Variants in GSG1L observed in about 807,000 individuals in gnomAD.
The protein encoded by GSG1L is germ cell-specific gene 1-like protein.
Under a neutral mutation model 42.1 loss-of-function variants are expected in GSG1L, and 24 were observed. The ratio of observed to expected loss-of-function variants is 0.57; its 90% CI spans 0.41 to 0.80. GSG1L has a LOEUF of 0.80. Among genes scored for constraint, GSG1L ranks in the 30% least tolerant of loss-of-function variants. The probability of loss-of-function intolerance (pLI) is 0.00; values close to 1 mark genes in which losing one functional copy is unlikely to be tolerated. For missense variants in GSG1L, 445 were observed against 472.2 expected (o/e 0.94, Z 0.53); for synonymous variants, 215 against 203.5 (o/e 1.06, Z -0.48).
chr16:28,003,655 C>G (rs183700049), intron 1 of GSG1L, among the ~76,000 whole-genome samples: 1 of 152,128 alleles, frequency 6.6e-6, no homozygotes, highest in Admixed American at 6.5e-5. Flanking sequence ...AGAACTGGGC[C>G]GGCCAGGTCT....
intron 3 of GSG1L, among the ~76,000 whole-genome samples, chr16:27,874,697 C>T (rs1395751468): frequency 6.6e-6 from 1 of 152,164 alleles, no homozygotes; most frequent in East Asian, 1.9e-4. Context: ...AGCATGGGAG[C>T]TCTGCATTGA....
chr16:27,921,237 C>A (rs1026214959), intron 2 of GSG1L, among the ~76,000 whole-genome samples: 2 of 152,084 alleles, frequency 1.3e-5, no homozygotes, highest in Non-Finnish European at 2.9e-5. Context: ...GTCTTCAGCA[C>A]CTTCTCCAAG....
chr16:27,905,028 TAATG>T (rs1228997545), intron 2 of GSG1L, among the ~76,000 whole-genome samples: 1 of 152,088 alleles, frequency 6.6e-6, no homozygotes, highest in Non-Finnish European at 1.5e-5. Flanking sequence ...TTTGAAAAAA[TAATG>T]AATTCAAATC....
chr16:27,806,069 G>A (rs772201487), intron 6 of GSG1L, among the ~76,000 whole-genome samples: 1 of 152,006 alleles, frequency 6.6e-6, no homozygotes, highest in Non-Finnish European at 1.5e-5. Flanking sequence ...TGCTTCCCGA[G>A]CCCGTCTCTG....
rs908794844 is a variant in GSG1L, at chr16:28,063,636, G to T, written c.-212C>A. ...GGCGTGCGGGGCGGGCTGGCGGGGC[G>T]GGCGGCGGTGGAGGAGCGGCTACGG... On this transcript the variant is annotated 5_prime_UTR_variant, in exon 1 of 7. Coordinates refer to ENST00000447459, the MANE Select transcript of GSG1L (RefSeq NM_001109763.2). The surrounding 1 kb of genome is among the most constrained non-coding windows in gnomAD (Gnocchi z 5.8). The T allele has an allele frequency of 6.7e-6, 1 of 149,712 alleles. No individual in the cohort carries two copies. Among genetic ancestry groups the T allele is most frequent in the Admixed American group, 6.8e-5 (1 of 14,786 alleles). The allele number at this position is 149,712 out of a possible 1,614,324, so 9.3% of individuals were successfully genotyped here. A position where few individuals can be genotyped will look rare whatever the true frequency, so the allele number is the denominator to read the frequency against.
intron 3 of GSG1L, among the ~76,000 whole-genome samples, chr16:27,853,085 A>G (rs993130005): frequency 1.3e-5 from 2 of 152,224 alleles, no homozygotes; most frequent in Non-Finnish European, 2.9e-5. Flanking sequence ...CCCGCGGAAA[A>G]AAAACTTGAG....
At chr16:27,967,513 T>C (rs1399288371) in intron 1 of GSG1L, among the ~76,000 whole-genome samples, 1 of 152,152 alleles carries the variant, frequency 6.6e-6, no homozygotes, top group Non-Finnish European at 1.5e-5. Flanking sequence ...ACAAAGACGA[T>C]AAGGCCCAGG....
At chr16:28,020,253 G>A (rs1006758589) in intron 1 of GSG1L, among the ~76,000 whole-genome samples, 11 of 152,108 alleles carry the variant, frequency 7.2e-5, no homozygotes, top group East Asian at 3.8e-4. Context: ...GTCTTTGTGC[G>A]GTGGCTCAAA....
At chr16:27,812,902 C>G (rs1213793093) in intron 5 of GSG1L, among the ~76,000 whole-genome samples, 1 of 152,102 alleles carries the variant, frequency 6.6e-6, no homozygotes, top group African/African-American at 2.4e-5. Flanking sequence ...GCCTCGGCCT[C>G]CCTAGTAGCT....
intron 3 of GSG1L, among the ~76,000 whole-genome samples, chr16:27,861,250 AC>A (rs1277493899): frequency 1.3e-5 from 2 of 152,050 alleles, no homozygotes; most frequent in African/African-American, 4.8e-5. Flanking sequence ...GGTGGTGTGC[AC>A]CTGTAATCGC....
At chr16:27,887,844 G>A (rs1368056676) in intron 2 of GSG1L, among the ~76,000 whole-genome samples, 1 of 151,460 alleles carries the variant, frequency 6.6e-6, no homozygotes, top group African/African-American at 2.4e-5. Flanking sequence ...CATCTCCTGG[G>A]CAATTCCTTG....
intron 3 of GSG1L, among the ~76,000 whole-genome samples, chr16:27,848,497 C>T (rs956045171): frequency 1.3e-5 from 2 of 152,128 alleles, no homozygotes; most frequent in Non-Finnish European, 2.9e-5. Flanking sequence ...AATCAGCCAA[C>T]GAATATTTAG....
intron 1 of GSG1L, among the ~76,000 whole-genome samples, chr16:27,979,720 AAGGAAG>A (rs754145686): frequency 0.039 from 2,734 of 69,754 alleles, 176 homozygotes; most frequent in African/African-American, 0.05. Context: ...GGAAGGAAGG[AAGGAAG>A]GAAAGAAAAA....
At chr16:27,929,665 T>C (rs1212279004) in intron 2 of GSG1L, among the ~76,000 whole-genome samples, 1 of 152,208 alleles carries the variant, frequency 6.6e-6, no homozygotes, top group East Asian at 1.9e-4. Context: ...ATTCCCTTTT[T>C]CCTATTACCC....
intron 3 of GSG1L, among the ~76,000 whole-genome samples, chr16:27,855,846 C>T (rs1306836727): frequency 3.3e-5 from 5 of 151,828 alleles, no homozygotes; most frequent in East Asian, 3.9e-4. Context: ...AGTCAGGGCT[C>T]GGGAGGTACA....
chr16:27,891,448 T>C (rs556819054), intron 2 of GSG1L, among the ~76,000 whole-genome samples: 2 of 152,160 alleles, frequency 1.3e-5, no homozygotes, highest in East Asian at 3.9e-4. Context: ...TGTGTAACTT[T>C]TTTTTATTAT....
intron 2 of GSG1L, 92 bp downstream of exon 2, chr16:27,963,064 A>G (rs529423269): frequency 9.5e-7 from 1 of 1,055,626 alleles, no homozygotes; most frequent in South Asian, 1.3e-5. Context: ...GCTGAAGAAG[A>G]TGCTATCACA....
intron 1 of GSG1L, among the ~76,000 whole-genome samples, chr16:28,042,361 G>C (rs144632303): frequency 0.011 from 1,694 of 151,638 alleles, 42 homozygotes; most frequent in African/African-American, 0.038. Flanking sequence ...GCTTGAACCC[G>C]GGGGGCGGAG....
chr16:27,957,078 G>A (rs1480478014), intron 2 of GSG1L, among the ~76,000 whole-genome samples: 1 of 152,230 alleles, frequency 6.6e-6, no homozygotes, highest in African/African-American at 2.4e-5. Context: ...ACTGGGTGCG[G>A]TGGCTCATGC....
Sources: gnomAD v4.1 joint callset for allele counts (sites outside exome capture counted in the v4.1 genomes callset) on GRCh38, gnomAD v4.1.1 for gene constraint, Gnocchi (gnomAD v3.1) non-coding constraint, MANE v1.5 for transcripts, NCBI Gene and HGNC (gene_info 2026-07-23, HGNC 2026-07-21) for gene names.